Variants in DLAT observed in about 807,000 individuals in gnomAD.
DLAT encodes the protein dihydrolipoyllysine-residue acetyltransferase component of pyruvate dehydrogenase complex, mitochondrial.
DLAT carries 43 observed loss-of-function variants against 68.0 expected under a neutral mutation model. The ratio of observed to expected loss-of-function variants is 0.63; its 90% CI spans 0.50 to 0.81. The LOEUF (loss-of-function observed/expected upper bound fraction) is 0.81, where lower values mean the gene tolerates loss of function less well. Ranked by LOEUF, DLAT falls within the 40% of genes least tolerant of loss-of-function variation. The pLI, the probability that DLAT is intolerant of heterozygous loss-of-function variation, is 0.00. For missense variants in DLAT, 745 were observed against 815.4 expected (o/e 0.91, Z 1.05); for synonymous variants, 265 against 288.6 (o/e 0.92, Z 0.83).
At chr11:112,060,812 T>C (rs1864558702) in intron 12 of DLAT, among the ~76,000 whole-genome samples, 1 of 152,140 alleles carries the variant, frequency 6.6e-6, no homozygotes, top group South Asian at 2.1e-4. Context: ...TAAAGTAAAA[T>C]TCAATCATAT....
intron 5 of DLAT, among the ~76,000 whole-genome samples, chr11:112,035,305 C>T (rs587730609): frequency 1.3e-5 from 2 of 152,228 alleles, no homozygotes; most frequent in South Asian, 4.1e-4. Flanking sequence ...TTGTGCTTCC[C>T]CATAAATTTT....
intron 2 of DLAT, 56 bp downstream of exon 2, chr11:112,026,355 T>G: frequency 9.7e-7 from 1 of 1,035,560 alleles, no homozygotes; most frequent in Non-Finnish European, 1.3e-6. Flanking sequence ...TTGATCATTC[T>G]TGGGTGTTTC....
At chr11:112,035,217 A>T (rs146441615) in intron 5 of DLAT, among the ~76,000 whole-genome samples, 1,765 of 152,206 alleles carry the variant, frequency 0.012, 15 homozygotes, top group Non-Finnish European at 0.017. Flanking sequence ...GCAAAGGGGG[A>T]ATTAAAGAGC....
Position 112,025,459 on chromosome 11 carries a change from G to A in DLAT, c.-14G>A. 6.2e-7 allele frequency: 1 copy of A among 1,609,538 alleles called. No homozygotes were observed. The highest frequency in any genetic ancestry group is 8.5e-7 in the Non-Finnish European group (1 of 1,179,018). ...GACGGCGTTGGTTTTGGGGTGTGGG[G>A]GGTTGGTGGCACTATGTGGCGCGTC... On this transcript the variant is annotated 5_prime_UTR_variant, in exon 1 of 14. Transcript: ENST00000280346.
intron 10 of DLAT, among the ~76,000 whole-genome samples, chr11:112,048,975 T>A (rs1329316434): frequency 6.8e-6 from 1 of 146,030 alleles, no homozygotes; most frequent in African/African-American, 2.5e-5. Flanking sequence ...CAAGATTTTT[T>A]TTTTTTTTTT....
At chr11:112,035,876 C>T (rs1862695394) in intron 5 of DLAT, among the ~76,000 whole-genome samples, 1 of 149,694 alleles carries the variant, frequency 6.7e-6, no homozygotes, top group African/African-American at 2.5e-5. Context: ...CTGCAATTTC[C>T]ACCTCCCGGG....
intron 11 of DLAT, among the ~76,000 whole-genome samples, chr11:112,056,642 C>T (rs1460983231): frequency 6.6e-6 from 1 of 152,034 alleles, no homozygotes; most frequent in Non-Finnish European, 1.5e-5. Context: ...TATTTACATA[C>T]AGTTATTTGT....
At chr11:112,059,650 C>T (rs1241668379) in intron 11 of DLAT, among the ~76,000 whole-genome samples, 1 of 152,174 alleles carries the variant, frequency 6.6e-6, no homozygotes, top group Non-Finnish European at 1.5e-5. Context: ...ACCTCAGCCT[C>T]CCAAAGTGTT....
At chr11:112,030,711 A>G (rs1380001130) in intron 4 of DLAT, among the ~76,000 whole-genome samples, 1 of 152,242 alleles carries the variant, frequency 6.6e-6, no homozygotes, top group Non-Finnish European at 1.5e-5. Context: ...TCGTCTGTAT[A>G]TTTGTGTGCT....
chr11:112,060,997 G>A, intron 12 of DLAT, 41 bp from the exon 13 acceptor site: 1 of 1,515,788 alleles, frequency 6.6e-7, no homozygotes, highest in Admixed American at 2.0e-5. Context: ...TCTGATTTAT[G>A]TTGACAAACT....
chr11:112,033,601 C>A (rs979720534), intron 5 of DLAT, 71 bp downstream of exon 5: 48 of 1,557,394 alleles, frequency 3.1e-5, no homozygotes, highest in Non-Finnish European at 4.2e-5. Context: ...GCCATTCTTT[C>A]CTATAATGAG....
intron 4 of DLAT, chr11:112,030,281 G>A (rs587630999): frequency 1.6e-4 from 90 of 558,878 alleles, no homozygotes; most frequent in South Asian, 1.2e-3. Flanking sequence ...CAGAGAGCTC[G>A]ATCTTTGTGC....
Position 112,028,940 on chromosome 11 carries a change from A to T in DLAT, c.655A>T (p.Met219Leu). ...QAPGSSYPPH[M>L]QVLLPALSPT... ...TCCTGGTAGCTCATATCCCCCTCAC[A>T]TGCAGGTGAGGCTCAGCCTCTGAGT... Residue 219 changes from methionine to leucine, a missense_variant, in exon 4 of 14, where the codon ATG becomes TTG. Physicochemically the swap from Met to Leu is conservative, Grantham distance 15. Transcript: ENST00000280346. 1 of 1,613,890 alleles carries T rather than the reference A, an allele frequency of 6.2e-7. No homozygotes were observed. The highest frequency in any genetic ancestry group is 1.1e-5 in the South Asian group (1 of 91,066).
Position 112,035,543 on chromosome 11 carries a change from C to T in DLAT, c.788-1730C>T, listed in dbSNP as rs1368626511. ...TGGCTCTGTTGTCCAGGCTGGAGTG[C>T]GGTGGCGTGATCTCGGCCCACCACA... On this transcript the variant is annotated intron_variant, in intron 5 of 13. Transcript: ENST00000280346. 4.0e-5 allele frequency among the ~76,000 whole-genome samples: 6 copies of T among 150,434 alleles called. No homozygotes were observed. In the East Asian group the frequency reaches 5.9e-4, roughly 15 times the overall value.
At chr11:112,029,747 G>A (rs1296679057) in intron 4 of DLAT, 2 of 404,898 alleles carry the variant, frequency 4.9e-6, no homozygotes, top group Non-Finnish European at 9.5e-6. Context: ...GCAGCAGCAG[G>A]CAGGGAAGCA....
At chr11:112,062,169 C>G (rs1864674867) in intron 13 of DLAT, among the ~76,000 whole-genome samples, 1 of 152,122 alleles carries the variant, frequency 6.6e-6, no homozygotes, top group Non-Finnish European at 1.5e-5. Context: ...TGCAGTAAAT[C>G]TTTACCTAAT....
At chr11:112,049,437 A>G (rs1863497347) in intron 10 of DLAT, among the ~76,000 whole-genome samples, 1 of 152,130 alleles carries the variant, frequency 6.6e-6, no homozygotes, top group Admixed American at 6.5e-5. Context: ...TTCAGAGTGT[A>G]AGTTTTGCAC....
At chr11:112,036,161 G>C (rs1327446100) in intron 5 of DLAT, among the ~76,000 whole-genome samples, 1 of 116,426 alleles carries the variant, frequency 8.6e-6, no homozygotes, top group Non-Finnish European at 1.7e-5. Context: ...ATATGTGTGT[G>C]TATATATGTG....
chr11:112,028,584 G>C lies in DLAT; in HGVS notation c.451G>C (p.Ala151Pro). Residue 151 changes from alanine (A) to proline (P), a missense_variant, in exon 3 of 14, where the codon GCT (alanine) becomes CCT (proline). Ala to Pro is a conservative substitution (Grantham distance 27). Transcript: ENST00000280346. Reference sequence around the variant, plus strand: ...GTGTTATATGGCAAAGATACTTGTTGCTGAAGGTACCAGGGATGTTCCCAT... The same window carrying C: ...GTGTTATATGGCAAAGATACTTGTTCCTGAAGGTACCAGGGATGTTCCCAT... ...EECYMAKILV[A>P]EGTRDVPIGA... The C allele has an allele frequency of 6.2e-7, 1 of 1,614,136 alleles. No individual in the cohort carries two copies. Among genetic ancestry groups the C allele is most frequent in the Non-Finnish European group, 8.5e-7 (1 of 1,180,010 alleles).
Sources: allele counts gnomAD v4.1 joint callset (sites outside exome capture counted in the v4.1 genomes callset), GRCh38; gene constraint gnomAD v4.1.1; transcripts MANE v1.5; gene names NCBI Gene and HGNC (gene_info 2026-07-23, HGNC 2026-07-21).